The following PRKN variants were observed in gnomAD, a reference collection of about 807,000 sequenced individuals.
The protein encoded by PRKN is parkin RBR E3 ubiquitin protein ligase.
A neutral mutation model predicts 59.5 loss-of-function variants in PRKN; 56 were observed. The ratio of observed to expected loss-of-function variants is 0.94; its 90% CI spans 0.76 to 1.18. PRKN has a LOEUF of 1.18. Among genes scored for constraint, PRKN ranks in the 50% most tolerant of loss-of-function variants. The pLI is 0.00. For synonymous variants in PRKN, 250 were observed against 222.1 expected, an observed-to-expected ratio of 1.13 and a Z score of -1.12; for missense variants, 657 against 596.4, an observed-to-expected ratio of 1.10 and a Z score of -1.06.
intron 6 of PRKN, among the ~76,000 whole-genome samples, chr6:161,857,223 C>T (rs551083405): frequency 9.7e-4 from 147 of 152,134 alleles, no homozygotes; most frequent in African/African-American, 3.3e-3. Flanking sequence ...AGTGAGACTC[C>T]GCCTCAAAAA....
chr6:162,397,987 G>A (rs1197413789), intron 2 of PRKN, among the ~76,000 whole-genome samples: 2 of 150,196 alleles, frequency 1.3e-5, no homozygotes, highest in East Asian at 3.9e-4. Flanking sequence ...CAGTGAGCTG[G>A]GATCTCACCA....
intron 7 of PRKN, among the ~76,000 whole-genome samples, chr6:161,642,081 C>T (rs995104475): frequency 6.6e-6 from 1 of 152,132 alleles, no homozygotes. Flanking sequence ...ATTAAATTAT[C>T]TTATGAAATG....
At chr6:161,536,794 T>A (rs1394456454) in intron 9 of PRKN, among the ~76,000 whole-genome samples, 1 of 152,236 alleles carries the variant, frequency 6.6e-6, no homozygotes, top group Non-Finnish European at 1.5e-5. Context: ...AGGGAAGTTC[T>A]GTGCTTTTCT....
chr6:161,541,974 C>T (rs796644256), intron 9 of PRKN, among the ~76,000 whole-genome samples: 4 of 152,216 alleles, frequency 2.6e-5, no homozygotes, highest in African/African-American at 7.2e-5. Context: ...TGTATTAGAA[C>T]GTAAGTCCAC....
At chr6:162,483,878 T>G (rs762876853) in intron 1 of PRKN, among the ~76,000 whole-genome samples, 1 of 152,198 alleles carries the variant, frequency 6.6e-6, no homozygotes, top group Non-Finnish European at 1.5e-5. Context: ...TTCAGCTCAG[T>G]GTCAATAATA....
intron 1 of PRKN, among the ~76,000 whole-genome samples, chr6:162,458,706 A>G (rs1473705269): frequency 6.6e-6 from 1 of 151,284 alleles, no homozygotes; most frequent in African/African-American, 2.4e-5. Flanking sequence ...AATATCCATA[A>G]ATTTTCCATG....
intron 1 of PRKN, among the ~76,000 whole-genome samples, chr6:162,590,820 G>A (rs1189946218): frequency 6.6e-5 from 10 of 152,094 alleles, no homozygotes; most frequent in Admixed American, 4.6e-4. Context: ...CAGACGCAAC[G>A]TGTCACTTAG....
chr6:162,262,460 C>T (rs780704016), intron 3 of PRKN, 65 bp downstream of exon 3: 9 of 1,595,302 alleles, frequency 5.6e-6, no homozygotes, highest in Non-Finnish European at 6.9e-6. Context: ...TGAGGCCATG[C>T]TCCATGCAGA....
At chr6:162,150,449 C>T (rs558566710) in intron 4 of PRKN, among the ~76,000 whole-genome samples, 2 of 152,244 alleles carry the variant, frequency 1.3e-5, no homozygotes, top group South Asian at 2.1e-4. Flanking sequence ...GCTTTGTTAC[C>T]GCAGGGCTGC....
intron 9 of PRKN, among the ~76,000 whole-genome samples, chr6:161,430,135 G>A (rs1788573452): frequency 6.6e-6 from 1 of 152,174 alleles, no homozygotes; most frequent in Non-Finnish European, 1.5e-5. Flanking sequence ...GAGCAGGACT[G>A]CCATTGTCAA....
At chr6:162,510,269 T>C (rs920474584) in intron 1 of PRKN, among the ~76,000 whole-genome samples, 5 of 152,236 alleles carry the variant, frequency 3.3e-5, no homozygotes, top group South Asian at 4.1e-4. Flanking sequence ...GCAATTGTAA[T>C]TGAAATTCTG....
intron 6 of PRKN, among the ~76,000 whole-genome samples, chr6:161,889,963 T>G (rs1343755931): frequency 6.6e-6 from 1 of 152,126 alleles, no homozygotes; most frequent in African/African-American, 2.4e-5. Flanking sequence ...CCCCATACAT[T>G]TAGTAATCAG....
At chr6:161,580,801 C>G (rs1781310810) in intron 7 of PRKN, among the ~76,000 whole-genome samples, 1 of 151,716 alleles carries the variant, frequency 6.6e-6, no homozygotes, top group Non-Finnish European at 1.5e-5. Context: ...TAAGCAAGCA[C>G]TTATCAACTA....
chr6:161,779,189 CT>C (rs1029466278), intron 7 of PRKN, among the ~76,000 whole-genome samples: 1 of 152,038 alleles, frequency 6.6e-6, no homozygotes, highest in African/African-American at 2.4e-5. Flanking sequence ...ATTCGCCCAC[CT>C]TGGCCTCCCA....
rs562439047 is a variant in PRKN at position 161,600,146 on chromosome 6, C to T, written c.872-30730G>A. Among the ~76,000 whole-genome samples, 11 of 152,272 alleles carry T rather than the reference C, an allele frequency of 7.2e-5. No homozygotes were observed. The East Asian group carries it at 2.1e-3, about 29-fold the overall frequency. On this transcript the variant is annotated intron_variant, in intron 7 of 11. Coordinates refer to ENST00000366898, the MANE Select transcript of PRKN (RefSeq NM_004562.3). ...TTCCCCAAATTGCTATTTTGAATAG[C>T]CTAATTTTTATTCCTTACTTGGTAT... is the stretch of plus-strand genomic sequence containing the variant.
chr6:162,437,495 A>G (rs1789835580), intron 2 of PRKN, among the ~76,000 whole-genome samples: 2 of 152,134 alleles, frequency 1.3e-5, no homozygotes, highest in Non-Finnish European at 2.9e-5. Flanking sequence ...TAATTGTACT[A>G]TAAGCATTGT....
rs1041739036 is a variant in PRKN at position 161,373,831 on chromosome 6, G to A, written c.1167+12963C>T. Among the ~76,000 whole-genome samples the A allele has an allele frequency of 2.6e-5, 4 of 152,040 alleles. No homozygotes were observed. The highest frequency in any genetic ancestry group is 9.7e-5 in the African/African-American group (4 of 41,392). On this transcript the variant is annotated intron_variant, in intron 10 of 11. Coordinates refer to ENST00000366898, the MANE Select transcript of PRKN (RefSeq NM_004562.3). This position sits in a 1 kb window ranked among gnomAD's most constrained non-coding sequence, Gnocchi z 4.8. Reference sequence around the variant, plus strand: ...CCGTTTTTAATGAAGGAATTATGGGGGCCAGGATCCAGCTGTTAGCTTTTC... The same window carrying A: ...CCGTTTTTAATGAAGGAATTATGGGAGCCAGGATCCAGCTGTTAGCTTTTC...
At chr6:161,587,798 G>T (rs894643707) in intron 7 of PRKN, among the ~76,000 whole-genome samples, 3 of 151,728 alleles carry the variant, frequency 2.0e-5, no homozygotes, top group Non-Finnish European at 4.4e-5. Flanking sequence ...TCTCATTCTT[G>T]TTTTTTTAAA....
intron 1 of PRKN, among the ~76,000 whole-genome samples, chr6:162,470,705 A>C (rs923368240): frequency 6.6e-6 from 1 of 152,170 alleles, no homozygotes; most frequent in South Asian, 2.1e-4. Context: ...GTTTGAGGCA[A>C]AGCTACACCT....
Sources: gnomAD v4.1 joint callset for allele counts (sites outside exome capture counted in the v4.1 genomes callset) on GRCh38, gnomAD v4.1.1 for gene constraint, Gnocchi (gnomAD v3.1) non-coding constraint, MANE v1.5 for transcripts, NCBI Gene and HGNC (gene_info 2026-07-23, HGNC 2026-07-21) for gene names.